The following ENTPD5 variants were observed in gnomAD, a reference collection of about 807,000 sequenced individuals.
The protein encoded by ENTPD5 is nucleoside diphosphate phosphatase ENTPD5.
ENTPD5 carries 49 observed loss-of-function variants against 60.2 expected under a neutral mutation model. That is an observed-to-expected ratio of 0.81 (90% confidence interval 0.65 to 1.03). The LOEUF (loss-of-function observed/expected upper bound fraction) is 1.03. ENTPD5 is among the 50% of genes least tolerant of loss of function. ENTPD5 has a pLI of 0.00. For missense variants in ENTPD5, 480 were observed against 507.6 expected, an observed-to-expected ratio of 0.95 and a Z score of 0.52; for synonymous variants, 187 against 185.4, an observed-to-expected ratio of 1.01 and a Z score of -0.07.
At chr14:73,996,857 C>T (rs73301477) in intron 3 of ENTPD5, 11,977 of 152,226 alleles carry the variant, frequency 0.079, 629 homozygotes, top group South Asian at 0.26. Context: ...GTGGGAGGAT[C>T]GCTTGAGCCT....
chr14:73,976,567 T>TCC (rs1381440419), intron 8 of ENTPD5, among the ~76,000 whole-genome samples, 155 bp from the exon 9 acceptor site: 1 of 152,094 alleles, frequency 6.6e-6, no homozygotes, highest in East Asian at 1.9e-4. Flanking sequence ...GAAGGACTCT[T>TCC]GTTGCAGCAG....
At chr14:73,967,950 C>A (rs1340082510) in intron 15 of ENTPD5, among the ~76,000 whole-genome samples, 1 of 151,704 alleles carries the variant, frequency 6.6e-6, no homozygotes, top group African/African-American at 2.4e-5. Context: ...CATGGTGAAA[C>A]CCCGTGTCTA....
At chr14:73,971,381 T>C (rs1384463753) in intron 14 of ENTPD5, among the ~76,000 whole-genome samples, 1 of 152,190 alleles carries the variant, frequency 6.6e-6, no homozygotes, top group African/African-American at 2.4e-5. Flanking sequence ...TGTCTTGAAC[T>C]CCTGACCTCA....
intron 3 of ENTPD5, 101 bp downstream of exon 3, chr14:74,010,990 C>A (rs1048311065): frequency 5.3e-5 from 9 of 169,470 alleles, no homozygotes; most frequent in Non-Finnish European, 2.4e-5. Context: ...CTTATGGACC[C>A]TTTTCCATCT....
chr14:73,958,850 T>C, downstream of ENTPD5: 1 of 1,546,354 alleles, frequency 6.5e-7, no homozygotes, highest in Non-Finnish European at 8.7e-7. Flanking sequence ...GAAGCAGGCC[T>C]GATGGAATTA....
intron 5 of ENTPD5, among the ~76,000 whole-genome samples, 168 bp from the exon 6 acceptor site, chr14:73,983,329 G>A (rs1464147698): frequency 6.6e-6 from 1 of 152,104 alleles, no homozygotes; most frequent in Admixed American, 6.6e-5. Flanking sequence ...CGCTTTGAAG[G>A]AGAATCCAGG....
intron 2 of ENTPD5, among the ~76,000 whole-genome samples, chr14:74,012,886 C>T (rs1475904770): frequency 6.6e-6 from 1 of 152,204 alleles, no homozygotes; most frequent in Non-Finnish European, 1.5e-5. Context: ...GAGCCAAGTC[C>T]AGCCCTCAAG....
At position 73,976,926 on chromosome 14, in the gene ENTPD5, A is replaced by C. The variant is rs78795860; in HGVS notation, c.553+98T>G. The stretch of plus-strand genomic sequence containing the variant: ...CCAGCCTCTTTTCCTTTTTTAAAGA[A>C]GAAGAAACAATACAGAATGAAAGAA... On this transcript the variant is annotated intron_variant, in intron 8 of 15. Coordinates refer to ENST00000334696, the MANE Select transcript of ENTPD5 (RefSeq NM_001249.5). 744 of 1,123,532 alleles carry C rather than the reference A, an allele frequency of 6.6e-4. 5 individuals carry two copies. In the African/African-American group the frequency reaches 0.011, roughly 16 times the overall value. 69.6% of individuals were successfully genotyped at this position (1,123,532 alleles called of 1,614,324 possible).
chr14:74,018,845 C>T (rs2059154706), intron 1 of ENTPD5: 1 of 152,386 alleles, frequency 6.6e-6, no homozygotes, highest in Non-Finnish European at 1.5e-5. Flanking sequence ...AACATTTGGC[C>T]TGGGACGTCC....
chr14:74,009,247 A>G (rs2058772104), intron 3 of ENTPD5: 1 of 152,224 alleles, frequency 6.6e-6, no homozygotes, highest in African/African-American at 2.4e-5. Flanking sequence ...CCCCAATGAA[A>G]AATCAGAATG....
chr14:73,959,122 T>C (rs1255315986), downstream of ENTPD5: 3 of 1,614,188 alleles, frequency 1.9e-6, no homozygotes, highest in Non-Finnish European at 2.5e-6. Context: ...TCATAGGCAC[T>C]AGGTACTTCA....
At chr14:73,971,930 T>C (rs750406098) in intron 13 of ENTPD5, 22 bp from the exon 14 acceptor site, 4 of 1,456,626 alleles carry the variant, frequency 2.7e-6, no homozygotes, top group South Asian at 1.1e-5. Flanking sequence ...CAGAAGATTA[T>C]CTGATATCAA....
In ENTPD5 at chr14:73,988,162, A is replaced by G. The variant is rs2057983080; in HGVS notation, c.-60T>C. The G allele has an allele frequency of 3.9e-6, 6 of 1,546,744 alleles. No individual in the cohort carries two copies. Among genetic ancestry groups the G allele is most frequent in the Non-Finnish European group, 4.4e-6 (5 of 1,144,930 alleles). ...GTTGCAGAAGCAATCCTGCTCGCACACCTGCAGAGGCTTATAGGACAAAGA... is the reference window on the plus strand; with the variant it reads ...GTTGCAGAAGCAATCCTGCTCGCACGCCTGCAGAGGCTTATAGGACAAAGA... On this transcript the variant is annotated 5_prime_UTR_variant, in exon 4 of 16. Transcript: ENST00000334696.
At chr14:73,989,775 G>T (rs2058058065) in intron 3 of ENTPD5, among the ~76,000 whole-genome samples, 1 of 148,536 alleles carries the variant, frequency 6.7e-6, no homozygotes, top group Non-Finnish European at 1.5e-5. Context: ...AGAGGTTGTA[G>T]CGAGCCGAGA....
intron 11 of ENTPD5, 78 bp downstream of exon 11, chr14:73,974,846 T>C (rs1196222064): frequency 6.1e-6 from 7 of 1,148,110 alleles, no homozygotes; most frequent in Non-Finnish European, 9.0e-6. Context: ...ATAGAATGGC[T>C]ATCAAGGAAG....
At position 73,988,111 on chromosome 14, in the gene ENTPD5, C is replaced by T; in HGVS notation, c.-9G>A. 2 of 1,603,886 alleles carry T rather than the reference C, an allele frequency of 1.2e-6. No individual in the cohort carries two copies. The highest frequency in any genetic ancestry group is 1.7e-6 in the Non-Finnish European group (2 of 1,175,488). Reference sequence around the variant, plus strand: ...CCCCAAGAAGTGGCCATTCTTTTCCCAAGATGTGGCTGGGTGGAGGCTTTT... The same window carrying T: ...CCCCAAGAAGTGGCCATTCTTTTCCTAAGATGTGGCTGGGTGGAGGCTTTT... On this transcript the variant is annotated 5_prime_UTR_variant, in exon 4 of 16. Coordinates refer to ENST00000334696, the MANE Select transcript of ENTPD5 (RefSeq NM_001249.5).
intron 5 of ENTPD5, among the ~76,000 whole-genome samples, chr14:73,985,709 G>T (rs1382732406): frequency 6.6e-6 from 1 of 152,014 alleles, no homozygotes; most frequent in Non-Finnish European, 1.5e-5. Context: ...TACTCTGATG[G>T]TAGTTTCTTT....
chr14:73,979,094 C>T (rs1218618671), intron 6 of ENTPD5, among the ~76,000 whole-genome samples: 1 of 152,170 alleles, frequency 6.6e-6, no homozygotes, highest in Non-Finnish European at 1.5e-5. Flanking sequence ...ACATACCTGC[C>T]TCTGGCCTTT....
At chr14:73,958,146 G>C (rs1182148534), downstream of ENTPD5, 4 of 1,613,684 alleles carry the variant, frequency 2.5e-6, no homozygotes, top group Non-Finnish European at 3.4e-6. Flanking sequence ...GACCTCCCCA[G>C]ACCGAGTGAC....
Sources: allele counts gnomAD v4.1 joint callset (sites outside exome capture counted in the v4.1 genomes callset), GRCh38; gene constraint gnomAD v4.1.1; transcripts MANE v1.5; gene names NCBI Gene and HGNC (gene_info 2026-07-23, HGNC 2026-07-21).